Variants in DENND1A observed in about 807,000 individuals in gnomAD.
DENND1A encodes the protein DENN domain containing 1A, also known as DENN domain-containing protein 1A.
In DENND1A, 51 loss-of-function variants were observed where a neutral mutation model predicts 113.7. The observed-to-expected ratio is 0.45, with a 90% CI of 0.36 to 0.57. The LOEUF is 0.57. Among genes scored for constraint, DENND1A ranks in the 20% least tolerant of loss-of-function variants. The probability of loss-of-function intolerance (pLI) is 0.00; values close to 1 mark genes in which losing one functional copy is unlikely to be tolerated. For missense variants in DENND1A, 1,258 were observed against 1,395.9 expected (o/e 0.90, Z 1.57); for synonymous variants, 565 against 570.8 (o/e 0.99, Z 0.14).
chr9:123,511,666 AT>A (rs2053471291), intron 13 of DENND1A, among the ~76,000 whole-genome samples: 1 of 152,200 alleles, frequency 6.6e-6, no homozygotes, highest in South Asian at 2.1e-4. Flanking sequence ...AGTTTCTCCC[AT>A]TGAAAAACGT....
intron 11 of DENND1A, among the ~76,000 whole-genome samples, chr9:123,592,004 C>T (rs2059481310): frequency 6.6e-6 from 1 of 152,170 alleles, no homozygotes; most frequent in South Asian, 2.1e-4. Context: ...GTGTAAACAT[C>T]AGCAAGTTCT....
At chr9:123,425,766 A>G (rs535476863) in intron 19 of DENND1A, among the ~76,000 whole-genome samples, 9 of 152,370 alleles carry the variant, frequency 5.9e-5, no homozygotes, top group African/African-American at 2.2e-4. Context: ...CAGAGCAGCA[A>G]GGGAATGACT....
At chr9:123,509,199 T>C (rs2053231579) in intron 13 of DENND1A, among the ~76,000 whole-genome samples, 1 of 152,182 alleles carries the variant, frequency 6.6e-6, no homozygotes, top group East Asian at 1.9e-4. Context: ...AGATGGCTCA[T>C]GGATACTGAA....
intron 13 of DENND1A, among the ~76,000 whole-genome samples, chr9:123,497,150 A>C (rs576463899): frequency 5.3e-5 from 8 of 152,282 alleles, no homozygotes; most frequent in Admixed American, 3.3e-4. Flanking sequence ...GGCAGCACGG[A>C]CCACGTGGTG....
intron 13 of DENND1A, among the ~76,000 whole-genome samples, chr9:123,551,285 C>A (rs1159719453): frequency 6.6e-6 from 1 of 152,230 alleles, no homozygotes; most frequent in East Asian, 1.9e-4. Flanking sequence ...GTGTATGCAC[C>A]AGAGGCCAAG....
intron 2 of DENND1A, among the ~76,000 whole-genome samples, chr9:123,862,731 C>T (rs555414469): frequency 2.6e-5 from 4 of 152,104 alleles, no homozygotes; most frequent in Admixed American, 6.5e-5. Context: ...CCCTCACCCC[C>T]GAAAAAAGGC....
At chr9:123,677,770 G>A (rs1298478645) in intron 5 of DENND1A, among the ~76,000 whole-genome samples, 6 of 152,114 alleles carry the variant, frequency 3.9e-5, no homozygotes, top group Admixed American at 2.6e-4. Context: ...AATCTCCATC[G>A]CACATTGTAC....
intron 4 of DENND1A, among the ~76,000 whole-genome samples, chr9:123,769,067 C>A (rs976050943): frequency 6.6e-6 from 1 of 152,040 alleles, no homozygotes; most frequent in African/African-American, 2.4e-5. Flanking sequence ...ATATTCCCTG[C>A]TGAATACTTT....
rs995794134 is a variant in DENND1A, at chr9:123,422,615, C to T, written c.1489-10786G>A. ...TCTGTGTCAAAGTCTACCCATCCAC[C>T]GCCTCAGCAGAGTTTAAAATCCTAG... On this transcript the variant is annotated intron_variant, in intron 19 of 23. Coordinates refer to ENST00000394215, the MANE Select transcript of DENND1A (RefSeq NM_001352964.2). This position sits in a 1 kb window ranked among gnomAD's most constrained non-coding sequence, Gnocchi z 4.8. Among the ~76,000 whole-genome samples the T allele has an allele frequency of 2.0e-5, 3 of 152,116 alleles. No individual in the cohort carries two copies. Among genetic ancestry groups the T allele is most frequent in the Admixed American group, 6.5e-5 (1 of 15,274 alleles).
chr9:123,844,437 C>A (rs945992348), intron 2 of DENND1A, among the ~76,000 whole-genome samples: 1 of 151,800 alleles, frequency 6.6e-6, no homozygotes, highest in African/African-American at 2.4e-5. Context: ...AAGAACAATA[C>A]AAAAATGAAA....
At chr9:123,507,359 G>A (rs1374844321) in intron 13 of DENND1A, among the ~76,000 whole-genome samples, 2 of 152,202 alleles carry the variant, frequency 1.3e-5, no homozygotes, top group Admixed American at 1.3e-4. Flanking sequence ...GATGACCTAA[G>A]TCATCTGATG....
intron 11 of DENND1A, among the ~76,000 whole-genome samples, chr9:123,607,488 GACAC>G (rs10557656): frequency 0.017 from 1,236 of 70,826 alleles, 22 homozygotes; most frequent in South Asian, 0.032. Flanking sequence ...CAGAGAGAGA[GACAC>G]ACACACACAC....
intron 13 of DENND1A, among the ~76,000 whole-genome samples, chr9:123,553,292 T>TA: frequency 6.6e-6 from 1 of 152,094 alleles, no homozygotes; most frequent in East Asian, 1.9e-4. Flanking sequence ...AATTTTTTTT[T>TA]AAAGACCAGC....
chr9:123,636,698 T>C (rs1401292989), intron 9 of DENND1A, among the ~76,000 whole-genome samples: 1 of 49,438 alleles, frequency 2.0e-5, no homozygotes, highest in Non-Finnish European at 3.8e-5. Context: ...ATTACCAGAC[T>C]TTTTTTTTTT....
rs2071326755 is a variant in DENND1A at position 123,764,763 on chromosome 9, C to A, written c.182+4751G>T. On this transcript the variant is annotated intron_variant, in intron 4 of 23. Transcript: ENST00000394215. The surrounding 1 kb of genome is among the most constrained non-coding windows in gnomAD (Gnocchi z 4.1). Reference sequence around the variant, plus strand: ...AGAGATTGATGGAATCCAATTCCCTCATTTTATCCATGAAAAAATGAAGAA... The same window carrying A: ...AGAGATTGATGGAATCCAATTCCCTAATTTTATCCATGAAAAAATGAAGAA... Among the ~76,000 whole-genome samples the A allele has an allele frequency of 6.6e-6, 1 of 152,188 alleles. No homozygotes were observed. The highest frequency in any genetic ancestry group is 1.5e-5 in the Non-Finnish European group (1 of 68,036).
chr9:123,457,272 C>T, intron 15 of DENND1A, 76 bp downstream of exon 15: 1 of 1,131,292 alleles, frequency 8.8e-7, no homozygotes. Flanking sequence ...AAAAGCAAGT[C>T]ACTGCCACTC....
At chr9:123,599,872 C>T (rs548829736) in intron 11 of DENND1A, among the ~76,000 whole-genome samples, 2 of 152,256 alleles carry the variant, frequency 1.3e-5, no homozygotes, top group Middle Eastern at 3.4e-3. Flanking sequence ...TGACAAACAC[C>T]CCTACTGTGG....
At chr9:123,420,964 G>A (rs370619797) in intron 19 of DENND1A, among the ~76,000 whole-genome samples, 1 of 151,324 alleles carries the variant, frequency 6.6e-6, no homozygotes, top group Non-Finnish European at 1.5e-5. Context: ...GGTGGCCGGA[G>A]GTCGGGCACC....
At chr9:123,829,038 A>G (rs1424779876) in intron 2 of DENND1A, among the ~76,000 whole-genome samples, 1 of 152,240 alleles carries the variant, frequency 6.6e-6, no homozygotes, top group Admixed American at 6.5e-5. Context: ...CACAAATCAT[A>G]TGCTTTTAAG....
Sources: gnomAD v4.1 joint callset for allele counts (sites outside exome capture counted in the v4.1 genomes callset) on GRCh38, gnomAD v4.1.1 for gene constraint, Gnocchi (gnomAD v3.1) non-coding constraint, MANE v1.5 for transcripts, NCBI Gene and HGNC (gene_info 2026-07-23, HGNC 2026-07-21) for gene names.